Variants in REDIC1 observed in about 807,000 individuals in gnomAD.
The protein encoded by REDIC1 is HEI10 Interacting Protein 1.
the REDIC1 span, among the ~76,000 whole-genome samples, chr12:39,669,616 G>T: frequency 3.3e-5 from 5 of 152,228 alleles, no homozygotes; most frequent in African/African-American, 1.2e-4. Context: ...AGAGGATTCT[G>T]CTGCCTTTTG....
chr12:39,813,218 A>G, the REDIC1 span, among the ~76,000 whole-genome samples: 1 of 151,384 alleles, frequency 6.6e-6, no homozygotes, highest in East Asian at 1.9e-4. Flanking sequence ...ATTCCATTTT[A>G]TCTATTCTGT....
the REDIC1 span, among the ~76,000 whole-genome samples, chr12:39,641,670 T>A: frequency 6.6e-6 from 1 of 151,762 alleles, no homozygotes; most frequent in Non-Finnish European, 1.5e-5. Context: ...ATACATAATG[T>A]TGAGCAAAAG....
the REDIC1 span, among the ~76,000 whole-genome samples, chr12:39,786,368 T>TTCCACCATGATTCTGAGGCCTC: frequency 1.6e-4 from 1 of 6,294 alleles, no homozygotes; most frequent in African/African-American, 5.4e-4. Context: ...GTCTTTCATC[T>TTCCACCATGATTCTGAGGCCTC]CCCACCATGA....
At chr12:39,687,123 C>T in the REDIC1 span, among the ~76,000 whole-genome samples, 7 of 152,276 alleles carry the variant, frequency 4.6e-5, no homozygotes, top group East Asian at 1.9e-4. Flanking sequence ...CCAGTCTTTA[C>T]GAAGTTCCAA....
the REDIC1 span, among the ~76,000 whole-genome samples, chr12:39,630,814 AAAG>A: frequency 1.2e-3 from 177 of 152,282 alleles, no homozygotes; most frequent in African/African-American, 3.9e-3. Flanking sequence ...TAAGCTAGAC[AAAG>A]AAGTTGAAAA....
chr12:39,890,322 GA>G, the REDIC1 span, among the ~76,000 whole-genome samples: 1 of 151,734 alleles, frequency 6.6e-6, no homozygotes, highest in African/African-American at 2.4e-5. Flanking sequence ...TTATAAAACT[GA>G]AAAAAAATAC....
At chr12:39,828,399 T>C in the REDIC1 span, among the ~76,000 whole-genome samples, 2 of 152,116 alleles carry the variant, frequency 1.3e-5, no homozygotes, top group African/African-American at 4.8e-5. Flanking sequence ...TACAGGATGA[T>C]GGTATAAAAA....
chr12:39,745,395 C>T, the REDIC1 span, among the ~76,000 whole-genome samples: 1 of 151,480 alleles, frequency 6.6e-6, no homozygotes. Context: ...TAAGCTTGGT[C>T]TTAATTCAGA....
the REDIC1 span, among the ~76,000 whole-genome samples, chr12:39,821,875 G>C: frequency 6.6e-6 from 1 of 152,066 alleles, no homozygotes; most frequent in African/African-American, 2.4e-5. Flanking sequence ...CACGTGCCAA[G>C]AATAGAAGAT....
At chr12:39,686,824 G>A in the REDIC1 span, among the ~76,000 whole-genome samples, 3 of 152,144 alleles carry the variant, frequency 2.0e-5, no homozygotes, top group African/African-American at 7.2e-5. Context: ...TCACACATAT[G>A]AACATAGGTG....
chr12:39,868,147 C>G, the REDIC1 span, among the ~76,000 whole-genome samples: 1 of 152,118 alleles, frequency 6.6e-6, no homozygotes, highest in Non-Finnish European at 1.5e-5. Flanking sequence ...GGATTTGAGT[C>G]TAATACAAGA....
At chr12:39,723,382 A>C in the REDIC1 span, among the ~76,000 whole-genome samples, 1 of 152,076 alleles carries the variant, frequency 6.6e-6, no homozygotes, top group East Asian at 1.9e-4. Context: ...CTAACTTCAC[A>C]GTTGCTAATT....
chr12:39,704,520 C>T, the REDIC1 span, among the ~76,000 whole-genome samples: 1 of 152,174 alleles, frequency 6.6e-6, no homozygotes, highest in Non-Finnish European at 1.5e-5. Context: ...GTGGCGATTC[C>T]TCAGGGATCT....
chr12:39,746,724 G>A, the REDIC1 span, among the ~76,000 whole-genome samples: 5 of 152,322 alleles, frequency 3.3e-5, no homozygotes, highest in South Asian at 2.1e-4. Context: ...CCCCTGAGAC[G>A]AAGCTTCCAG....
chr12:39,690,358 T>C, the REDIC1 span, among the ~76,000 whole-genome samples: 1 of 151,992 alleles, frequency 6.6e-6, no homozygotes, highest in African/African-American at 2.4e-5. Context: ...AGTAGAGGAA[T>C]AAAGTTAAAA....
At chr12:39,877,869 G>A in the REDIC1 span, among the ~76,000 whole-genome samples, 12,967 of 152,140 alleles carry the variant, frequency 0.085, 1,281 homozygotes, top group African/African-American at 0.24. Flanking sequence ...TTGAAATGTA[G>A]TCCCCAGTGC....
the REDIC1 span, among the ~76,000 whole-genome samples, chr12:39,650,944 T>C: frequency 6.6e-6 from 1 of 152,230 alleles, no homozygotes; most frequent in Admixed American, 6.5e-5. The surrounding 1 kb of genome is among the most constrained non-coding windows in gnomAD (Gnocchi z 4.3). Flanking sequence ...GATTTCTTTT[T>C]CACATTTGTG....
At chr12:39,712,540 G>T in the REDIC1 span, among the ~76,000 whole-genome samples, 1 of 140,048 alleles carries the variant, frequency 7.1e-6, no homozygotes. Context: ...ACGAATATGC[G>T]TATATACACG....
chr12:39,759,696 A>C, the REDIC1 span: 1 of 232,482 alleles, frequency 4.3e-6, no homozygotes, highest in Non-Finnish European at 8.4e-6. Context: ...TGTTGCCACT[A>C]ATAATTATAA....
Sources: allele counts gnomAD v4.1 joint callset (sites outside exome capture counted in the v4.1 genomes callset), GRCh38; gene constraint gnomAD v4.1.1; non-coding constraint Gnocchi (gnomAD v3.1); transcripts MANE v1.5; gene names NCBI Gene and HGNC (gene_info 2026-07-23, HGNC 2026-07-21).